The following FAT3 variants were observed in gnomAD, a reference collection of about 807,000 sequenced individuals.
FAT3 encodes FAT atypical cadherin 3.
A neutral mutation model predicts 310.2 loss-of-function variants in FAT3; 95 were observed. The ratio of observed to expected loss-of-function variants is 0.31; its 90% CI spans 0.26 to 0.36. The LOEUF (loss-of-function observed/expected upper bound fraction) is 0.36, where lower values mean the gene tolerates loss of function less well. Ranked by LOEUF, FAT3 falls within the 10% of genes least tolerant of loss-of-function variation. FAT3 has a pLI of 1.00. For missense variants in FAT3, 5,408 were observed against 5,715.6 expected (o/e 0.95, Z 1.74); for synonymous variants, 2,314 against 2,192.9 (o/e 1.06, Z -1.54).
chr11:92,499,881 A>AC (rs1952885843), intron 2 of FAT3, among the ~76,000 whole-genome samples: 1 of 151,986 alleles, frequency 6.6e-6, no homozygotes, highest in Admixed American at 6.6e-5. Flanking sequence ...GCTAGAAGAG[A>AC]CTGTAACAGC....
intron 2 of FAT3, among the ~76,000 whole-genome samples, chr11:92,392,472 A>C (rs1949772704): frequency 6.6e-6 from 1 of 152,062 alleles, no homozygotes; most frequent in Admixed American, 6.6e-5. Context: ...CTTCCTGGTC[A>C]CCTGGCTGAC....
At chr11:92,310,227 A>G (rs1947263106) in intron 1 of FAT3, among the ~76,000 whole-genome samples, 1 of 152,174 alleles carries the variant, frequency 6.6e-6, no homozygotes, top group Admixed American at 6.5e-5. Flanking sequence ...AACAGATTGC[A>G]TTTTTACCGA....
intron 2 of FAT3, among the ~76,000 whole-genome samples, chr11:92,516,638 G>A (rs1039028387): frequency 7.9e-5 from 12 of 152,122 alleles, no homozygotes; most frequent in Non-Finnish European, 4.4e-5. Flanking sequence ...GTTCTGGCCA[G>A]AGCAATCAGG....
At chr11:92,570,788 G>T (rs1275241020) in intron 3 of FAT3, among the ~76,000 whole-genome samples, 1 of 152,170 alleles carries the variant, frequency 6.6e-6, no homozygotes, top group Non-Finnish European at 1.5e-5. Flanking sequence ...CAAAGAACCA[G>T]TCGTTTTCAG....
At chr11:92,768,612 C>T (rs796432452) in intron 6 of FAT3, among the ~76,000 whole-genome samples, 8 of 152,320 alleles carry the variant, frequency 5.3e-5, no homozygotes, top group African/African-American at 1.9e-4. Context: ...GCCATGGAAA[C>T]TCTCATCTCT....
chr11:92,370,458 G>A (rs145702802), intron 2 of FAT3, among the ~76,000 whole-genome samples: 10 of 152,274 alleles, frequency 6.6e-5, no homozygotes, highest in African/African-American at 1.2e-4. Context: ...GTCCTCATAC[G>A]TATCACACAT....
chr11:92,617,757 C>G (rs1940881012), intron 3 of FAT3, among the ~76,000 whole-genome samples: 1 of 152,146 alleles, frequency 6.6e-6, no homozygotes, highest in Admixed American at 6.5e-5. Context: ...CACTCCAGAC[C>G]TTGTTTGCCC....
In FAT3 at chr11:92,528,675, G is replaced by A. The variant is rs113401735; in HGVS notation, c.3607+3727G>A. ...TGCTGGATTACAGGCGTGAGCCACC[G>A]TGCCCGGCCTCCAGTTCTTTTGAGG... On this transcript the variant is annotated intron_variant, in intron 3 of 27. Transcript: ENST00000525166. Among the ~76,000 whole-genome samples the A allele has an allele frequency of 8.8e-3, 1,336 of 152,238 alleles. 23 individuals are homozygous for A. Among genetic ancestry groups the A allele is most frequent in the African/African-American group, 0.029 (1,190 of 41,526 alleles).
At chr11:92,424,343 T>C (rs987733402) in intron 2 of FAT3, among the ~76,000 whole-genome samples, 5 of 152,196 alleles carry the variant, frequency 3.3e-5, no homozygotes, top group African/African-American at 1.2e-4. Flanking sequence ...ATATTTTACA[T>C]AATGTTTTTA....
At chr11:92,397,851 A>G (rs569254562) in intron 2 of FAT3, among the ~76,000 whole-genome samples, 5 of 151,234 alleles carry the variant, frequency 3.3e-5, no homozygotes, top group African/African-American at 1.2e-4. Context: ...ATACTATTTT[A>G]CAAACTTTTT....
chr11:92,609,591 G>A (rs1940468054), intron 3 of FAT3, among the ~76,000 whole-genome samples: 1 of 152,152 alleles, frequency 6.6e-6, no homozygotes, highest in Admixed American at 6.5e-5. Flanking sequence ...GCAAAATAAT[G>A]TATTTTGGTA....
At chr11:92,301,534 T>C (rs1375091951) in intron 1 of FAT3, among the ~76,000 whole-genome samples, 2 of 152,066 alleles carry the variant, frequency 1.3e-5, no homozygotes, top group Non-Finnish European at 2.9e-5. Flanking sequence ...ACTTTGATTA[T>C]CTTTTTCTAT....
At chr11:92,842,999 C>T (rs956109229) in intron 18 of FAT3, among the ~76,000 whole-genome samples, 2 of 151,930 alleles carry the variant, frequency 1.3e-5, no homozygotes, top group Non-Finnish European at 1.5e-5. Context: ...TTTTAATCCC[C>T]ACAATAGAAG....
chr11:92,881,201 C>T (rs1352074259), intron 23 of FAT3, among the ~76,000 whole-genome samples: 5 of 152,126 alleles, frequency 3.3e-5, no homozygotes, highest in Non-Finnish European at 5.9e-5. Context: ...TATTATAATT[C>T]GGAGGCAGAC....
chr11:92,448,834 G>C (rs950061750), intron 2 of FAT3, among the ~76,000 whole-genome samples: 3 of 152,162 alleles, frequency 2.0e-5, no homozygotes, highest in African/African-American at 7.2e-5. Flanking sequence ...TAGAGCCACT[G>C]ATCTCTGAAT....
chr11:92,781,074 T>C (rs1365410850), intron 7 of FAT3, among the ~76,000 whole-genome samples: 7 of 118,424 alleles, frequency 5.9e-5, no homozygotes, highest in Non-Finnish European at 7.4e-5. Flanking sequence ...TTTTCTTTAT[T>C]CTTTTTTTTT....
chr11:92,866,603 C>A, intron 21 of FAT3, 138 bp from the exon 22 acceptor site: 1 of 739,314 alleles, frequency 1.4e-6, no homozygotes, highest in South Asian at 2.0e-5. Flanking sequence ...CAAACCACAA[C>A]AGATTTATGA....
intron 1 of FAT3, among the ~76,000 whole-genome samples, chr11:92,334,261 A>G (rs1056893962): frequency 6.6e-6 from 1 of 152,086 alleles, no homozygotes; most frequent in African/African-American, 2.4e-5. Context: ...CTGTGGTCCC[A>G]GCTACTCAGG....
chr11:92,281,947 C>G (rs1459684225), intron 1 of FAT3, among the ~76,000 whole-genome samples: 7 of 152,032 alleles, frequency 4.6e-5, no homozygotes, highest in Non-Finnish European at 7.4e-5. Flanking sequence ...TCTCTCTTGC[C>G]CAGACTAGAG....
Sources: allele counts gnomAD v4.1 joint callset (sites outside exome capture counted in the v4.1 genomes callset), GRCh38; gene constraint gnomAD v4.1.1; transcripts MANE v1.5; gene names NCBI Gene and HGNC (gene_info 2026-07-23, HGNC 2026-07-21).